The following ESR1 variants were observed in gnomAD, a reference collection of about 807,000 sequenced individuals.
ESR1 encodes the protein estrogen receptor.
In ESR1, 12 loss-of-function variants were observed where a neutral mutation model predicts 52.7. That is an observed-to-expected ratio of 0.23 (90% CI 0.15 to 0.37). ESR1 has a LOEUF of 0.37. Among genes scored for constraint, ESR1 ranks in the 10% least tolerant of loss-of-function variants. ESR1 has a pLI of 1.00. For missense variants in ESR1, 584 were observed against 779.7 expected (o/e 0.75, Z 2.99); for synonymous variants, 305 against 316.8 (o/e 0.96, Z 0.39).
upstream of ESR1, among the ~76,000 whole-genome samples, chr6:151,685,957 G>A (rs1169486714): frequency 6.6e-6 from 1 of 151,988 alleles, no homozygotes; most frequent in East Asian, 1.9e-4. Context: ...AGGCAAAAGT[G>A]CAGCGGCACG....
intron 3 of ESR1, among the ~76,000 whole-genome samples, chr6:151,933,875 A>C (rs2034024000): frequency 6.6e-6 from 1 of 152,160 alleles, no homozygotes; most frequent in African/African-American, 2.4e-5. Context: ...CCCTAATACA[A>C]ACCCCCTGCT....
At chr6:152,030,801 A>G (rs983525864) in intron 5 of ESR1, among the ~76,000 whole-genome samples, 5 of 152,212 alleles carry the variant, frequency 3.3e-5, no homozygotes, top group Admixed American at 6.5e-5. Context: ...ATAGACATCT[A>G]CAGAACTCTC....
rs570949597 is a variant in ESR1 at position 151,899,905 on chromosome 6, T to A, written c.760+19134T>A. Among the ~76,000 whole-genome samples, 287 of 149,530 alleles carry A rather than the reference T, an allele frequency of 1.9e-3. 1 individual carries two copies. Among genetic ancestry groups the A allele is most frequent in the Non-Finnish European group, 1.7e-3 (113 of 67,616 alleles). On this transcript the variant is annotated intron_variant, in intron 3 of 7. Coordinates refer to ENST00000206249, the MANE Select transcript of ESR1 (RefSeq NM_000125.4). ...GCGGCTGGGCAGAGACACTCCTCACTTTCCAGACTGGGCAGCCAGGCAGAG... is the reference window on the plus strand; with the variant it reads ...GCGGCTGGGCAGAGACACTCCTCACATTCCAGACTGGGCAGCCAGGCAGAG...
At chr6:152,032,507 A>G (rs3020426) in intron 5 of ESR1, among the ~76,000 whole-genome samples, 59,570 of 152,030 alleles carry the variant, frequency 0.39, 13,847 homozygotes, top group African/African-American at 0.65. Flanking sequence ...ACAGACAAAC[A>G]GAGAGCCAAA....
rs1427814349 is a variant in ESR1, at chr6:151,808,188, C to T, written c.276C>T (p.Asn92=). Residue 92 remains asparagine (N), a synonymous_variant, in exon 1 of 8, where the codon AAC becomes AAT. Coordinates refer to ENST00000206249, the MANE Select transcript of ESR1 (RefSeq NM_000125.4). The part of the protein sequence containing the change: ...PGSEAAAFGS[N]GLGGFPPLNS... ...CTGAGGCTGCGGCGTTCGGCTCCAA[C>T]GGCCTGGGGGGTTTCCCCCCACTCA... is the stretch of plus-strand genomic sequence containing the variant. 6.3e-7 allele frequency: 1 copy of T among 1,578,416 alleles called. No homozygotes were observed. Among genetic ancestry groups the T allele is most frequent in the Admixed American group, 1.8e-5 (1 of 55,096 alleles).
At chr6:151,800,064 G>A (rs545975666), upstream of ESR1, among the ~76,000 whole-genome samples, 1 of 152,310 alleles carries the variant, frequency 6.6e-6, no homozygotes, top group Admixed American at 6.5e-5. Context: ...TTTATTGAAT[G>A]AATGAACATG....
rs558184613 is a variant in ESR1 at position 151,775,269 on chromosome 6, G to T, written c.-70-32574G>T. ...TGCGACCAGATTGTTTTGGCTTTGG[G>T]ATTATTTCAGATTTTGGAATATTTT... On this transcript the variant is annotated intron_variant, in intron 2 of 2. Transcript: ENST00000404742. Among the ~76,000 whole-genome samples, 8 of 152,262 alleles carry T rather than the reference G, an allele frequency of 5.3e-5. No individual in the cohort carries two copies. The South Asian group carries it at 1.5e-3, about 28-fold the overall frequency.
chr6:151,873,808 C>T (rs1225370247), intron 2 of ESR1, among the ~76,000 whole-genome samples: 1 of 152,198 alleles, frequency 6.6e-6, no homozygotes, highest in Non-Finnish European at 1.5e-5. Flanking sequence ...CAGATTTTGA[C>T]ATCTTACTTG....
At chr6:152,075,406 G>A (rs919957829) in intron 6 of ESR1, among the ~76,000 whole-genome samples, 13 of 152,028 alleles carry the variant, frequency 8.6e-5, no homozygotes, top group South Asian at 2.1e-4. Flanking sequence ...CCTTCCTCTC[G>A]TTAAGGAAAA....
chr6:152,056,783 C>A (rs570934356), intron 5 of ESR1, among the ~76,000 whole-genome samples: 1 of 152,268 alleles, frequency 6.6e-6, no homozygotes, highest in South Asian at 2.1e-4. Flanking sequence ...CAGGCTGTCA[C>A]GTCTCACAGT....
At chr6:151,667,149 AT>A (rs1388657828) in intron 1 of ESR1, among the ~76,000 whole-genome samples, 2 of 152,138 alleles carry the variant, frequency 1.3e-5, no homozygotes, top group African/African-American at 2.4e-5. Context: ...TTTGGGTTGA[AT>A]GGTCTTTACT....
chr6:151,718,916 G>T (rs182606972), intron 2 of ESR1, among the ~76,000 whole-genome samples: 2 of 151,714 alleles, frequency 1.3e-5, no homozygotes, highest in African/African-American at 2.4e-5. Context: ...TTCTTCTTCC[G>T]CATATTAGGC....
At chr6:151,728,652 A>G (rs1340531100) in intron 2 of ESR1, among the ~76,000 whole-genome samples, 1 of 152,216 alleles carries the variant, frequency 6.6e-6, no homozygotes, top group Non-Finnish European at 1.5e-5. Flanking sequence ...ACAATAACAT[A>G]AGGAACATAC....
At chr6:151,779,038 T>C (rs1280955144) in intron 2 of ESR1, among the ~76,000 whole-genome samples, 1 of 152,196 alleles carries the variant, frequency 6.6e-6, no homozygotes, top group African/African-American at 2.4e-5. Context: ...TCCCATTCTG[T>C]AGGTTGCCTG....
chr6:152,077,404 A>G (rs2048830239), intron 6 of ESR1, among the ~76,000 whole-genome samples: 2 of 152,184 alleles, frequency 1.3e-5, no homozygotes, highest in Non-Finnish European at 2.9e-5. Flanking sequence ...CTGCTAGGGC[A>G]ATGAGGAAGG....
intron 5 of ESR1, among the ~76,000 whole-genome samples, chr6:152,056,491 T>A (rs899401137): frequency 6.6e-6 from 1 of 152,216 alleles, no homozygotes; most frequent in Non-Finnish European, 1.5e-5. Flanking sequence ...GATATACAAG[T>A]GAAGGTTTGA....
chr6:152,086,660 A>G (rs2049748331), intron 6 of ESR1, among the ~76,000 whole-genome samples: 1 of 151,208 alleles, frequency 6.6e-6, no homozygotes, highest in South Asian at 2.1e-4. Context: ...GAAAAATGTC[A>G]CTGAATCAGA....
At chr6:151,882,833 A>G (rs1466770612) in intron 3 of ESR1, among the ~76,000 whole-genome samples, 1 of 152,054 alleles carries the variant, frequency 6.6e-6, no homozygotes, top group Non-Finnish European at 1.5e-5. Flanking sequence ...CTCATTTTTA[A>G]TCTAACAAAA....
chr6:151,895,844 C>A (rs1304046677), intron 3 of ESR1, among the ~76,000 whole-genome samples: 1 of 152,072 alleles, frequency 6.6e-6, no homozygotes, highest in Non-Finnish European at 1.5e-5. Flanking sequence ...CTCTTGTTGC[C>A]CAGGCTGGAG....
Sources: allele counts gnomAD v4.1 joint callset (sites outside exome capture counted in the v4.1 genomes callset), GRCh38; gene constraint gnomAD v4.1.1; transcripts MANE v1.5; gene names NCBI Gene and HGNC (gene_info 2026-07-23, HGNC 2026-07-21).